KCNIP4: variants seen among roughly 807,000 people sequenced by gnomAD.
KCNIP4 encodes the protein Kv channel-interacting protein 4.
Under a neutral mutation model 34.0 loss-of-function variants are expected in KCNIP4, and 12 were observed. The ratio of observed to expected loss-of-function variants is 0.35; its 90% confidence interval spans 0.23 to 0.57. KCNIP4 has a LOEUF of 0.57. KCNIP4 is among the 20% of genes least tolerant of loss of function. The probability of loss-of-function intolerance (pLI) is 0.83; values close to 1 mark genes in which losing one functional copy is unlikely to be tolerated. For synonymous variants in KCNIP4, 124 were observed against 102.2 expected, an observed-to-expected ratio of 1.21 and a Z score of -1.29; for missense variants, 238 against 311.7, an observed-to-expected ratio of 0.76 and a Z score of 1.78.
intron 2 of KCNIP4, among the ~76,000 whole-genome samples, chr4:20,853,909 T>C (rs1328770430): frequency 1.3e-5 from 2 of 152,168 alleles, no homozygotes; most frequent in Admixed American, 6.5e-5. Context: ...ACATCACTAA[T>C]GATCAGGGAA....
chr4:21,909,560 C>T (rs755029244), intron 1 of KCNIP4, among the ~76,000 whole-genome samples: 13 of 152,144 alleles, frequency 8.5e-5, no homozygotes, highest in East Asian at 1.9e-4. Flanking sequence ...TGGGTTTACT[C>T]GTGTGTTAAC....
intron 1 of KCNIP4, among the ~76,000 whole-genome samples, chr4:21,487,475 G>A (rs192910026): frequency 6.6e-6 from 1 of 151,894 alleles, no homozygotes; most frequent in African/African-American, 2.4e-5. Flanking sequence ...TGTTTGCCAT[G>A]CTACTCCACT....
chr4:21,082,232 A>G (rs563886276), intron 1 of KCNIP4, among the ~76,000 whole-genome samples: 5 of 151,902 alleles, frequency 3.3e-5, no homozygotes, highest in Admixed American at 6.6e-5. Context: ...CTGATAGCTC[A>G]TTAAGGCTCA....
intron 1 of KCNIP4, among the ~76,000 whole-genome samples, chr4:21,168,962 C>T (rs951239743): frequency 4.2e-4 from 64 of 152,218 alleles, no homozygotes; most frequent in African/African-American, 1.3e-3. Flanking sequence ...TGATCTATGA[C>T]GGCTATCAGA....
intron 1 of KCNIP4, among the ~76,000 whole-genome samples, chr4:21,696,064 T>C (rs1187823151): frequency 2.6e-5 from 4 of 152,054 alleles, no homozygotes; most frequent in Non-Finnish European, 4.4e-5. Context: ...TTAAAGAATA[T>C]CCAAAGTCAC....
chr4:20,998,817 C>T (rs529729283), intron 1 of KCNIP4, among the ~76,000 whole-genome samples: 7 of 152,294 alleles, frequency 4.6e-5, no homozygotes, highest in African/African-American at 1.7e-4. Context: ...GAATAAATTG[C>T]ACAGTCGGTG....
Position 20,768,976 on chromosome 4 carries a change from A to T in KCNIP4, c.289-10086T>A, listed in dbSNP as rs150357440. Among the ~76,000 whole-genome samples the T allele has an allele frequency of 5.0e-3, 763 of 151,810 alleles. 8 individuals carry two copies. Among genetic ancestry groups the T allele is most frequent in the South Asian group, 0.039 (186 of 4,762 alleles). ...CCACGAGTTCTCAGGGTCACCCAGG[A>T]TGAAGCAGAAATCCAAGGTACTAGG... On this transcript the variant is annotated intron_variant, in intron 3 of 8. Transcript: ENST00000382152.
chr4:20,952,296 C>T (rs185227598), intron 1 of KCNIP4, among the ~76,000 whole-genome samples: 1 of 152,130 alleles, frequency 6.6e-6, no homozygotes, highest in Non-Finnish European at 1.5e-5. Context: ...TATCTAGGCA[C>T]TTCTATGTAT....
chr4:21,415,172 T>C (rs1256817626), intron 1 of KCNIP4, among the ~76,000 whole-genome samples: 5 of 152,100 alleles, frequency 3.3e-5, no homozygotes, highest in African/African-American at 1.2e-4. Flanking sequence ...TAGGACATTA[T>C]ATAAGTGAAG....
chr4:21,708,865 T>G (rs752450921), intron 1 of KCNIP4, among the ~76,000 whole-genome samples: 2 of 152,218 alleles, frequency 1.3e-5, no homozygotes, highest in Non-Finnish European at 2.9e-5. Context: ...ATTGCCTTTT[T>G]ACAATATTTT....
In KCNIP4 at chr4:20,988,000, C is replaced by CAAAAAAAAAAAAAAAAAAAAA. The variant is rs36044149; in HGVS notation, c.62-105312_62-105292dup. On this transcript the variant is annotated intron_variant, in intron 1 of 8. Transcript: ENST00000382152. ...TGGGCGACACGGCGAGATTCCATCT[C>CAAAAAAAAAAAAAAAAAAAAA]AAAAAAAAAAAAAAAAAAAAAATTA... Among the ~76,000 whole-genome samples, 161 of 46,286 alleles carry CAAAAAAAAAAAAAAAAAAAAA rather than the reference C, an allele frequency of 3.5e-3. 11 individuals carry two copies. Among genetic ancestry groups the CAAAAAAAAAAAAAAAAAAAAA allele is most frequent in the Admixed American group, 4.7e-3 (15 of 3,200 alleles). 30.4% of individuals were successfully genotyped at this position (46,286 alleles called of 152,430 possible).
At chr4:20,782,141 G>C (rs1756932903) in intron 3 of KCNIP4, among the ~76,000 whole-genome samples, 2 of 152,152 alleles carry the variant, frequency 1.3e-5, no homozygotes, top group Admixed American at 1.3e-4. Flanking sequence ...GCAAGAGGTG[G>C]GTTTCCATGG....
At chr4:21,092,573 T>C (rs1409629603) in intron 1 of KCNIP4, among the ~76,000 whole-genome samples, 1 of 152,336 alleles carries the variant, frequency 6.6e-6, no homozygotes, top group East Asian at 1.9e-4. Context: ...GGTGACTCCT[T>C]CTTCCTTCCC....
intron 1 of KCNIP4, among the ~76,000 whole-genome samples, chr4:21,870,358 G>A (rs1159425328): frequency 6.6e-6 from 1 of 152,168 alleles, no homozygotes; most frequent in African/African-American, 2.4e-5. Context: ...TTTCTGCCTT[G>A]TGGGGGCTAG....
At chr4:20,961,538 T>TA (rs751566913) in intron 1 of KCNIP4, among the ~76,000 whole-genome samples, 10 of 152,058 alleles carry the variant, frequency 6.6e-5, no homozygotes, top group Middle Eastern at 3.4e-3. Context: ...CACAGAGTTT[T>TA]AAAAAAAACA....
At chr4:21,464,408 T>G (rs1729736565) in intron 1 of KCNIP4, among the ~76,000 whole-genome samples, 1 of 152,036 alleles carries the variant, frequency 6.6e-6, no homozygotes. Context: ...CATTTTCATT[T>G]CTCTCATAGC....
At chr4:21,790,679 T>C (rs1471856141) in intron 1 of KCNIP4, among the ~76,000 whole-genome samples, 1 of 152,092 alleles carries the variant, frequency 6.6e-6, no homozygotes. Context: ...ACTCATAAAG[T>C]ACCTTTGCAA....
At chr4:21,840,355 C>T (rs1217897363) in intron 1 of KCNIP4, among the ~76,000 whole-genome samples, 1 of 152,022 alleles carries the variant, frequency 6.6e-6, no homozygotes, top group Non-Finnish European at 1.5e-5. Flanking sequence ...GCACAAGTTG[C>T]TCTCTGAATT....
At chr4:21,484,375 CG>C (rs1731726622) in intron 1 of KCNIP4, among the ~76,000 whole-genome samples, 1 of 151,652 alleles carries the variant, frequency 6.6e-6, no homozygotes, top group African/African-American at 2.4e-5. Flanking sequence ...TGCAGTGAGG[CG>C]AGATCACGCC....
Sources: gnomAD v4.1 joint callset for allele counts (sites outside exome capture counted in the v4.1 genomes callset) on GRCh38, gnomAD v4.1.1 for gene constraint, MANE v1.5 for transcripts, NCBI Gene and HGNC (gene_info 2026-07-23, HGNC 2026-07-21) for gene names.